Variants in MEF2C observed in about 807,000 individuals in gnomAD.
MEF2C encodes the protein myocyte enhancer factor 2C, also known as myocyte-specific enhancer factor 2C.
In MEF2C, 6 loss-of-function variants were observed where a neutral mutation model predicts 50.5. The observed-to-expected ratio is 0.12, with a 90% CI of 0.07 to 0.23. MEF2C has a LOEUF of 0.23. Among genes scored for constraint, MEF2C ranks in the 10% least tolerant of loss-of-function variants. The probability of loss-of-function intolerance (pLI) is 1.00; values close to 1 mark genes in which losing one functional copy is unlikely to be tolerated. For synonymous variants in MEF2C, 183 were observed against 228.0 expected (o/e 0.80, Z 1.78); for missense variants, 276 against 605.0 (o/e 0.46, Z 5.70).
At chr5:88,808,220 G>T (rs377141882) in intron 2 of MEF2C, among the ~76,000 whole-genome samples, 4 of 151,980 alleles carry the variant, frequency 2.6e-5, no homozygotes, top group East Asian at 1.9e-4. Context: ...CTGCATATTG[G>T]CATTTTACTT....
chr5:88,780,957 C>T lies in MEF2C; in HGVS notation c.259-19629G>A, dbSNP rs946557290. 3.0e-5 allele frequency: 30 copies of T among 984,906 alleles called. No homozygotes were observed. The African/African-American group carries it at 4.7e-4, about 15-fold the overall frequency. The allele number at this position is 984,906 out of a possible 1,614,324, so 61.0% of individuals were successfully genotyped here. On this transcript the variant is annotated intron_variant, in intron 3 of 10. Transcript: ENST00000504921. The stretch of plus-strand genomic sequence containing the variant: ...CCAGGAAATAAATTATATCCTAATG[C>T]TATCTACCAGAGTTCACTAAGAGAA...
chr5:88,719,178 A>G lies in MEF2C; in HGVS notation c.*3426T>C, dbSNP rs1755459126. On this transcript the variant is annotated 3_prime_UTR_variant, in exon 11 of 11. Transcript: ENST00000504921. Reference sequence around the variant, plus strand: ...AATCCATAAAAGTGTGTGAGGGCAGACATTCTTTTAAAAAGTGTCTTGGAA... The same window carrying G: ...AATCCATAAAAGTGTGTGAGGGCAGGCATTCTTTTAAAAAGTGTCTTGGAA... The G allele has an allele frequency of 6.6e-6, 1 of 152,222 alleles. No homozygotes were observed. The highest frequency in any genetic ancestry group is 2.4e-5 in the African/African-American group (1 of 41,450). The allele number at this position is 152,222 out of a possible 1,614,324, so 9.4% of individuals were successfully genotyped here. A position where few individuals can be genotyped will look rare whatever the true frequency, so the allele number is the denominator to read the frequency against.
At chr5:88,809,586 G>C (rs1195797369) in intron 2 of MEF2C, among the ~76,000 whole-genome samples, 1 of 152,074 alleles carries the variant, frequency 6.6e-6, no homozygotes, top group African/African-American at 2.4e-5. Flanking sequence ...TTGGCCAACA[G>C]AGTTATATTT....
rs1398085983 is a variant in MEF2C at position 88,722,445 on chromosome 5, A to G, written c.*159T>C. The G allele has an allele frequency of 4.8e-6, 3 of 626,934 alleles. No homozygotes were observed. The highest frequency in any genetic ancestry group is 8.3e-6 in the Non-Finnish European group (3 of 360,488). The allele number at this position is 626,934 out of a possible 1,614,324, so 38.8% of individuals were successfully genotyped here. ...TTTCTGTTTATCTTTATACTGTATC[A>G]CTGAGGCAATTTAAAAGTACTTTTA... On this transcript the variant is annotated 3_prime_UTR_variant, in exon 11 of 11. Coordinates refer to ENST00000504921, the MANE Select transcript of MEF2C (RefSeq NM_002397.5).
At chr5:88,796,722 A>G (rs1413051747) in intron 3 of MEF2C, among the ~76,000 whole-genome samples, 1 of 152,022 alleles carries the variant, frequency 6.6e-6, no homozygotes, top group African/African-American at 2.4e-5. Flanking sequence ...TAGGGTGTCA[A>G]TTTTAGATCT....
Position 88,835,308 on chromosome 5 carries a change from C to T in MEF2C, c.-142-11378G>A, listed in dbSNP as rs1029195330. On this transcript the variant is annotated intron_variant, in intron 1 of 10. Coordinates refer to ENST00000504921, the MANE Select transcript of MEF2C (RefSeq NM_002397.5). ...TGATTTATTTCATCTCTCAAAGGACCCAACTCCCAAGTAATCAGCAGAGCT... is the reference window on the plus strand; with the variant it reads ...TGATTTATTTCATCTCTCAAAGGACTCAACTCCCAAGTAATCAGCAGAGCT... Among the ~76,000 whole-genome samples, 5 of 152,190 alleles carry T rather than the reference C, an allele frequency of 3.3e-5. No homozygotes were observed. The East Asian group carries it at 7.7e-4, about 23-fold the overall frequency.
chr5:88,739,682 G>A (rs1171383040), intron 6 of MEF2C: 1 of 985,240 alleles, frequency 1.0e-6, no homozygotes, highest in East Asian at 1.1e-4. Flanking sequence ...CATATGCTAG[G>A]AACTGTGAGT....
intron 2 of MEF2C, among the ~76,000 whole-genome samples, chr5:88,818,738 C>T (rs1447264499): frequency 6.6e-6 from 1 of 151,962 alleles, no homozygotes; most frequent in African/African-American, 2.4e-5. Context: ...CTTCTGAAGG[C>T]TCCTTTGTGC....
At chr5:88,822,875 TG>T (rs1433218011) in intron 2 of MEF2C, among the ~76,000 whole-genome samples, 1 of 151,956 alleles carries the variant, frequency 6.6e-6, no homozygotes, top group African/African-American at 2.4e-5. Flanking sequence ...ATGAGATGGT[TG>T]GGACCCAGCA....
chr5:88,804,414 C>G lies in MEF2C; in HGVS notation c.258+184G>C, dbSNP rs554968783. 1.8e-4 allele frequency: 105 copies of G among 582,346 alleles called. No homozygotes were observed. In the East Asian group the frequency reaches 2.7e-3, roughly 15 times the overall value. The allele number at this position is 582,346 out of a possible 1,614,324, so 36.1% of individuals were successfully genotyped here. On this transcript the variant is annotated intron_variant, in intron 3 of 10. Coordinates refer to ENST00000504921, the MANE Select transcript of MEF2C (RefSeq NM_002397.5). ...ACATGGTCTCTATCATCACATCACT[C>G]TAACTTTTGAAGGGGAGAGAAAAGG...
intron 1 of MEF2C, among the ~76,000 whole-genome samples, chr5:88,852,588 T>C (rs1343856979): frequency 6.6e-6 from 1 of 152,230 alleles, no homozygotes; most frequent in East Asian, 1.9e-4. Flanking sequence ...AATGTAGTTC[T>C]AGCTGGGCAC....
intron 1 of MEF2C, among the ~76,000 whole-genome samples, chr5:88,846,402 T>C (rs1230338244): frequency 2.0e-5 from 3 of 152,188 alleles, no homozygotes; most frequent in African/African-American, 4.8e-5. Flanking sequence ...TACAAATATA[T>C]GGCATTTCCC....
At chr5:88,890,062 TAGGAA>T (rs1217120552) in intron 1 of MEF2C, among the ~76,000 whole-genome samples, 1 of 152,056 alleles carries the variant, frequency 6.6e-6, no homozygotes, top group African/African-American at 2.4e-5. Flanking sequence ...GACAGACCAA[TAGGAA>T]AGAACACGGG....
rs935779074 is a variant in MEF2C, at chr5:88,821,397, G to A, written c.54+2338C>T. Among the ~76,000 whole-genome samples, 85 of 151,960 alleles carry A rather than the reference G, an allele frequency of 5.6e-4. 1 individual carries two copies. The highest frequency in any genetic ancestry group is 2.0e-3 in the African/African-American group (84 of 41,484). ...TGGTCCCCAAGTGGTTGGGAACACAGGTGCATGCCACTACCACACCCAGTT... is the reference window on the plus strand; with the variant it reads ...TGGTCCCCAAGTGGTTGGGAACACAAGTGCATGCCACTACCACACCCAGTT... On this transcript the variant is annotated intron_variant, in intron 2 of 10. Coordinates refer to ENST00000504921, the MANE Select transcript of MEF2C (RefSeq NM_002397.5).
intron 3 of MEF2C, chr5:88,782,162 T>C (rs1788419632): frequency 5.1e-6 from 5 of 981,464 alleles, no homozygotes; most frequent in Non-Finnish European, 6.0e-6. Context: ...TAAAGAAGCT[T>C]ATATAGTTTA....
intron 3 of MEF2C, among the ~76,000 whole-genome samples, chr5:88,765,719 G>A (rs1779760786): frequency 6.6e-6 from 1 of 152,230 alleles, no homozygotes; most frequent in Non-Finnish European, 1.5e-5. Flanking sequence ...GGGGCTGGAA[G>A]TCCTAAATGT....
At chr5:88,761,713 C>A in intron 3 of MEF2C, 1 of 172,820 alleles carries the variant, frequency 5.8e-6, no homozygotes, top group Non-Finnish European at 1.2e-5. Flanking sequence ...CAATGATTTC[C>A]GAACCTGTGA....
chr5:88,828,567 G>A (rs1010265999), intron 1 of MEF2C, among the ~76,000 whole-genome samples: 2 of 151,916 alleles, frequency 1.3e-5, no homozygotes, highest in Non-Finnish European at 2.9e-5. Context: ...TGGATACATC[G>A]TAAGGGGCAA....
At chr5:88,772,963 A>G (rs1277502548) in intron 3 of MEF2C, 30 of 931,030 alleles carry the variant, frequency 3.2e-5, no homozygotes, top group Non-Finnish European at 3.7e-5. Context: ...AACTGTTAAC[A>G]CATACTGCTC....
Sources: allele counts gnomAD v4.1 joint callset (sites outside exome capture counted in the v4.1 genomes callset), GRCh38; gene constraint gnomAD v4.1.1; transcripts MANE v1.5; gene names NCBI Gene and HGNC (gene_info 2026-07-23, HGNC 2026-07-21).